Variants in ZDHHC23 observed in about 807,000 individuals in gnomAD.
ZDHHC23 encodes the protein palmitoyltransferase ZDHHC23.
In ZDHHC23, 41 loss-of-function variants were observed where a neutral mutation model predicts 40.2. The ratio of observed to expected loss-of-function variants is 1.02; its 90% confidence interval spans 0.79 to 1.32. The LOEUF (loss-of-function observed/expected upper bound fraction) is 1.32. ZDHHC23 is among the 40% of genes most tolerant of loss of function. The probability of loss-of-function intolerance (pLI) is 0.00; values close to 1 mark genes in which losing one functional copy is unlikely to be tolerated. For missense variants in ZDHHC23, 471 were observed against 541.5 expected, an observed-to-expected ratio of 0.87 and a Z score of 1.29; for synonymous variants, 204 against 210.2, an observed-to-expected ratio of 0.97 and a Z score of 0.26.
intron 2 of ZDHHC23, among the ~76,000 whole-genome samples, chr3:113,950,717 G>A (rs1019334042): frequency 6.6e-6 from 1 of 152,182 alleles, no homozygotes; most frequent in African/African-American, 2.4e-5. Context: ...AGAAGTCTAA[G>A]TCCAGAGTCT....
chr3:113,971,448 G>T, the ZDHHC23 span, among the ~76,000 whole-genome samples: 1 of 152,158 alleles, frequency 6.6e-6, no homozygotes, highest in African/African-American at 2.4e-5. Flanking sequence ...TATGGCTTTT[G>T]TTCTTGGTTC....
At chr3:113,977,359 C>T in the ZDHHC23 span, among the ~76,000 whole-genome samples, 1 of 152,058 alleles carries the variant, frequency 6.6e-6, no homozygotes, top group African/African-American at 2.4e-5. Flanking sequence ...TGAATACACC[C>T]GGCACACTAA....
chr3:113,968,948 G>A (rs1424555508), downstream of ZDHHC23, among the ~76,000 whole-genome samples: 1 of 152,112 alleles, frequency 6.6e-6, no homozygotes, highest in African/African-American at 2.4e-5. Context: ...AAGAAGTATG[G>A]CACTAGCATC....
the ZDHHC23 span, chr3:113,979,140 C>A: frequency 1.2e-6 from 1 of 802,450 alleles, no homozygotes; most frequent in Non-Finnish European, 2.0e-6. Context: ...AAGGTACATG[C>A]AGCCTGTGTC....
chr3:113,956,529 TG>T (rs777658559), intron 4 of ZDHHC23, 23 bp downstream of exon 4: 4 of 1,594,032 alleles, frequency 2.5e-6, no homozygotes, highest in Non-Finnish European at 3.4e-6. Flanking sequence ...TACCACAGTA[TG>T]GAGGCCCCCT....
chr3:113,977,731 CAG>C, the ZDHHC23 span, among the ~76,000 whole-genome samples: 4 of 152,154 alleles, frequency 2.6e-5, no homozygotes, highest in South Asian at 8.3e-4. Context: ...GTTTTGACCT[CAG>C]TGGTGGTAAC....
At position 113,960,594 on chromosome 3, in the gene ZDHHC23, T is replaced by G; in HGVS notation, c.*1964T>G. 1 of 1,544,948 alleles carries G rather than the reference T, an allele frequency of 6.5e-7. No individual in the cohort carries two copies. Among genetic ancestry groups the G allele is most frequent in the Non-Finnish European group, 8.7e-7 (1 of 1,153,442 alleles). On this transcript the variant is annotated 3_prime_UTR_variant, in exon 5 of 5. Transcript: ENST00000638807. The stretch of plus-strand genomic sequence containing the variant: ...AACATTAGTCAGTAATTTTAGCTTC[T>G]TGCCAAATTGTTCACAACATCTAAA...
chr3:113,979,254 T>C, the ZDHHC23 span, among the ~76,000 whole-genome samples: 1 of 152,208 alleles, frequency 6.6e-6, no homozygotes, highest in Non-Finnish European at 1.5e-5. Flanking sequence ...TTGCTGGTTA[T>C]GGAAATGGAA....
At chr3:113,957,941 G>C (rs555799054) in intron 4 of ZDHHC23, 12 of 422,094 alleles carry the variant, frequency 2.8e-5, no homozygotes, top group Non-Finnish European at 4.6e-5. Flanking sequence ...AGTAACTTTA[G>C]CACTGTTCCT....
At chr3:113,978,052 C>T in the ZDHHC23 span, 2 of 905,934 alleles carry the variant, frequency 2.2e-6, no homozygotes, top group Non-Finnish European at 3.4e-6. Context: ...TGAGCCGGGA[C>T]TCCCACCCCT....
At chr3:113,966,273 G>T (rs1003770252), downstream of ZDHHC23, among the ~76,000 whole-genome samples, 1 of 152,208 alleles carries the variant, frequency 6.6e-6, no homozygotes, top group Non-Finnish European at 1.5e-5. Context: ...TGGTATGGAA[G>T]ACTGTTTAAG....
downstream of ZDHHC23, among the ~76,000 whole-genome samples, chr3:113,967,419 C>T (rs1940315133): frequency 6.6e-6 from 1 of 152,126 alleles, no homozygotes; most frequent in African/African-American, 2.4e-5. Flanking sequence ...CCCTACATTT[C>T]TCTTTCTTTC....
rs376403836 is a variant in ZDHHC23, at chr3:113,952,006, G to A, written c.162-1694G>A. Among the ~76,000 whole-genome samples, 61 of 152,130 alleles carry A rather than the reference G, an allele frequency of 4.0e-4. 1 individual carries two copies. The highest frequency in any genetic ancestry group is 1.3e-3 in the African/African-American group (52 of 41,494). On this transcript the variant is annotated intron_variant, in intron 2 of 4. Transcript: ENST00000638807. ...TACAAAATTAGCCAGGCGTGGTGGC[G>A]CATGCCTGTAATCCCAGCTACTCAG...
At chr3:113,979,249 G>A in the ZDHHC23 span, among the ~76,000 whole-genome samples, 1 of 152,108 alleles carries the variant, frequency 6.6e-6, no homozygotes, top group African/African-American at 2.4e-5. Flanking sequence ...GTGATTTGCT[G>A]GTTATGGAAA....
Position 113,954,373 on chromosome 3 carries a change from G to A in ZDHHC23, c.835G>A (p.Gly279Ser). 1.9e-6 allele frequency: 3 copies of A among 1,608,426 alleles called. No individual in the cohort carries two copies. The highest frequency in any genetic ancestry group is 2.5e-6 in the Non-Finnish European group (3 of 1,177,046). ...PARAWHCRIC[G>S]ICVRRMDHHC... ...CCGGGCATGGCACTGCCGGATATGT[G>A]GCATCTGTGTGAGGAGAATGGATCA... is the stretch of plus-strand genomic sequence containing the variant. The change falls in exon 3 of 5, where the codon GGC (glycine) becomes AGC (serine). Residue 279 changes from glycine to serine, a missense_variant. Physicochemically the swap from Gly to Ser is moderately conservative, Grantham distance 56. This residue lies in a region of ZDHHC23 where 346 missense variants were observed against 399.8 expected (regional missense o/e 0.87). Coordinates refer to ENST00000638807, the MANE Select transcript of ZDHHC23 (RefSeq NM_001320466.2).
rs570540373 is a variant in ZDHHC23, at chr3:113,958,238, G to A, written c.1041-125G>A. 3.6e-4 allele frequency: 288 copies of A among 791,350 alleles called. 1 individual carries two copies. In the South Asian group the frequency reaches 4.4e-3, roughly 12 times the overall value. The allele number at this position is 791,350 out of a possible 1,614,324, so 49.0% of individuals were successfully genotyped here. On this transcript the variant is annotated intron_variant, in intron 4 of 4. Transcript: ENST00000638807. ...TGGCATTCTGAGTATCTTCCAGTTCGGAGGGTTGGGGAAGATGCCAAAGTC... is the reference window on the plus strand; with the variant it reads ...TGGCATTCTGAGTATCTTCCAGTTCAGAGGGTTGGGGAAGATGCCAAAGTC...
chr3:113,978,919 G>T, the ZDHHC23 span: 1 of 1,613,914 alleles, frequency 6.2e-7, no homozygotes, highest in African/African-American at 1.3e-5. Context: ...ATCAGCCTGG[G>T]CCATCTTTCT....
At chr3:113,978,674 G>T in the ZDHHC23 span, 1 of 672,850 alleles carries the variant, frequency 1.5e-6, no homozygotes, top group Non-Finnish European at 2.5e-6. Flanking sequence ...ACAGGCTTAG[G>T]ATTTTACACT....
At chr3:113,972,172 T>G in the ZDHHC23 span, among the ~76,000 whole-genome samples, 1 of 152,106 alleles carries the variant, frequency 6.6e-6, no homozygotes, top group Non-Finnish European at 1.5e-5. Flanking sequence ...AGTTGACTTA[T>G]TTTTTGAAGT....
Sources: allele counts gnomAD v4.1 joint callset (sites outside exome capture counted in the v4.1 genomes callset), GRCh38; gene constraint gnomAD v4.1.1; regional missense constraint gnomAD v4.1.1; transcripts MANE v1.5; gene names NCBI Gene and HGNC (gene_info 2026-07-23, HGNC 2026-07-21).